The following ATRN variants were observed in gnomAD, a reference collection of about 807,000 sequenced individuals.
ATRN encodes attractin-2.
ATRN carries 54 observed loss-of-function variants against 178.7 expected under a neutral mutation model. The observed-to-expected ratio is 0.30, with a 90% CI of 0.24 to 0.38. ATRN has a LOEUF of 0.38. ATRN is among the 10% of genes least tolerant of loss of function. The pLI is 1.00. For synonymous variants in ATRN, 636 were observed against 663.0 expected (o/e 0.96, Z 0.63); for missense variants, 1,443 against 1,815.1 (o/e 0.79, Z 3.73).
At chr20:3,572,004 A>T (rs1398509942) in intron 11 of ATRN, among the ~76,000 whole-genome samples, 1 of 152,124 alleles carries the variant, frequency 6.6e-6, no homozygotes, top group Non-Finnish European at 1.5e-5. Context: ...AGAGAAATAG[A>T]TTCAATTTTA....
In ATRN at chr20:3,565,356, C is replaced by T. The variant is rs764529931; in HGVS notation, c.1795C>T (p.Arg599Cys). 2.1e-5 allele frequency: 34 copies of T among 1,613,446 alleles called. 1 individual carries two copies. The highest frequency in any genetic ancestry group is 5.0e-5 in the Admixed American group (3 of 59,986). The change falls in exon 11 of 29, where the codon CGC becomes TGC. Residue 599 changes from arginine (R) to cysteine (C), a missense_variant. This residue lies in a region of ATRN where 862 missense variants were observed against 972.1 expected (regional missense o/e 0.89). Transcript: ENST00000262919. ...DFMAYDIACD[R>C]WSVLPRPDLH... is the part of the protein sequence containing the mutation. ...ATTTTTCTTTCTCCTAGCCTGTGAC[C>T]GCTGGTCAGTGCTTCCCAGACCTGA...
At chr20:3,565,054 G>A (rs1660485426) in intron 10 of ATRN, among the ~76,000 whole-genome samples, 1 of 152,160 alleles carries the variant, frequency 6.6e-6, no homozygotes, top group African/African-American at 2.4e-5. Context: ...GACAGAGCGA[G>A]ACTCTGTCTC....
chr20:3,604,121 A>C lies in ATRN; in HGVS notation c.3660A>C (p.Gly1220=). Reference sequence around the variant, plus strand: ...TTTTAACAGCTGGAACCCAGGCTGGAGAAGAGATGCCTGTTGTTTCAAAAA... The same window carrying C: ...TTTTAACAGCTGGAACCCAGGCTGGCGAAGAGATGCCTGTTGTTTCAAAAA... The part of the protein sequence containing the change: ...AASFSAGTQA[G]EEMPVVSKTN... The change falls in exon 24 of 29, where the codon GGA becomes GGC. Residue 1220 remains glycine, a synonymous_variant. Transcript: ENST00000262919. The C allele has an allele frequency of 6.3e-7, 1 of 1,589,626 alleles. No individual in the cohort carries two copies. Among genetic ancestry groups the C allele is most frequent in the Non-Finnish European group, 8.5e-7 (1 of 1,172,894 alleles).
At position 3,625,031 on chromosome 20, in the gene ATRN, C is replaced by T. The variant is rs78113220; in HGVS notation, c.3863+459C>T. Among the ~76,000 whole-genome samples the T allele has an allele frequency of 1.6e-3, 239 of 152,000 alleles. 4 individuals carry two copies. The South Asian group carries it at 0.027, about 17-fold the overall frequency. Reference sequence around the variant, plus strand: ...TTTCTTTTATTTCCATAGTTTTTTTCGTAGTCTAATTTTATCTTTATGAAA... The same window carrying T: ...TTTCTTTTATTTCCATAGTTTTTTTTGTAGTCTAATTTTATCTTTATGAAA... On this transcript the variant is annotated intron_variant, in intron 25 of 28. Coordinates refer to ENST00000262919, the MANE Select transcript of ATRN (RefSeq NM_139321.3).
intron 18 of ATRN, among the ~76,000 whole-genome samples, chr20:3,590,431 C>G (rs183495048): frequency 1.3e-5 from 2 of 152,242 alleles, no homozygotes; most frequent in Admixed American, 6.5e-5. Context: ...CCATCCTATT[C>G]CCCCCTAGAG....
At chr20:3,521,005 A>G (rs1766227743) in intron 1 of ATRN, among the ~76,000 whole-genome samples, 1 of 152,210 alleles carries the variant, frequency 6.6e-6, no homozygotes, top group Admixed American at 6.5e-5. Context: ...ACAGGAACAG[A>G]AAATGAAACA....
At chr20:3,510,963 A>G (rs2085118663) in intron 1 of ATRN, among the ~76,000 whole-genome samples, 1 of 152,178 alleles carries the variant, frequency 6.6e-6, no homozygotes, top group Non-Finnish European at 1.5e-5. Flanking sequence ...CCTAATTGAC[A>G]TATACAGAAC....
At chr20:3,495,417 T>C (rs238717) in intron 1 of ATRN, among the ~76,000 whole-genome samples, 40,606 of 152,034 alleles carry the variant, frequency 0.27, 5,979 homozygotes, top group African/African-American at 0.33. Context: ...TTTTAAAGCT[T>C]TGTGGATATT....
chr20:3,494,671 G>T (rs1339164444), intron 1 of ATRN, among the ~76,000 whole-genome samples: 3 of 152,222 alleles, frequency 2.0e-5, no homozygotes, highest in Non-Finnish European at 4.4e-5. Flanking sequence ...AAGCATAAAA[G>T]AAGGGGATTT....
At chr20:3,529,450 T>C (rs2085420046) in intron 1 of ATRN, among the ~76,000 whole-genome samples, 1 of 152,240 alleles carries the variant, frequency 6.6e-6, no homozygotes, top group South Asian at 2.1e-4. Context: ...TGTCCACCAA[T>C]AAACAAGTTG....
At chr20:3,593,699 A>G (rs1450506509) in intron 19 of ATRN, among the ~76,000 whole-genome samples, 1 of 152,214 alleles carries the variant, frequency 6.6e-6, no homozygotes, top group Non-Finnish European at 1.5e-5. Flanking sequence ...TCTTTGGGTG[A>G]TTCCAAAGGA....
At chr20:3,505,537 C>A (rs1033642784) in intron 1 of ATRN, among the ~76,000 whole-genome samples, 1 of 152,138 alleles carries the variant, frequency 6.6e-6, no homozygotes, top group Non-Finnish European at 1.5e-5. Flanking sequence ...TTCTGGAGAA[C>A]CCTAATATAG....
intron 9 of ATRN, among the ~76,000 whole-genome samples, 196 bp downstream of exon 9, chr20:3,562,655 G>A (rs1047997900): frequency 3.9e-5 from 6 of 152,192 alleles, no homozygotes; most frequent in Admixed American, 2.0e-4. Context: ...CTGTAATTCT[G>A]TAGCAGGTTG....
chr20:3,498,542 A>T (rs1345683179), intron 1 of ATRN, among the ~76,000 whole-genome samples: 1 of 152,006 alleles, frequency 6.6e-6, no homozygotes, highest in Non-Finnish European at 1.5e-5. Flanking sequence ...GCAAATCAAT[A>T]AATGTAATCC....
chr20:3,486,995 C>T (rs916415531), intron 1 of ATRN, among the ~76,000 whole-genome samples: 3 of 152,068 alleles, frequency 2.0e-5, no homozygotes, highest in Admixed American at 6.5e-5. Context: ...TTCTACTTCT[C>T]ATAATTTTTA....
intron 1 of ATRN, chr20:3,491,146 G>T: frequency 1.9e-6 from 1 of 525,050 alleles, no homozygotes; most frequent in Non-Finnish European, 3.3e-6. Flanking sequence ...TAGCTCTCTG[G>T]GGGAAAAAAA....
chr20:3,504,430 CT>C (rs1372590139), intron 1 of ATRN, among the ~76,000 whole-genome samples: 1 of 150,664 alleles, frequency 6.6e-6, no homozygotes. Context: ...AATCCCAACA[CT>C]TTAGGAGGCC....
intron 3 of ATRN, among the ~76,000 whole-genome samples, chr20:3,540,603 C>G (rs190122066): frequency 1.3e-5 from 2 of 152,198 alleles, no homozygotes; most frequent in Non-Finnish European, 2.9e-5. Context: ...TTCACCTGCT[C>G]CTTGTGGTGG....
At chr20:3,518,405 G>A (rs965740783) in intron 1 of ATRN, among the ~76,000 whole-genome samples, 4 of 152,146 alleles carry the variant, frequency 2.6e-5, no homozygotes, top group Non-Finnish European at 5.9e-5. Context: ...AGCCAAACAC[G>A]AAAAGACACA....
Sources: allele counts gnomAD v4.1 joint callset (sites outside exome capture counted in the v4.1 genomes callset), GRCh38; gene constraint gnomAD v4.1.1; regional missense constraint gnomAD v4.1.1; transcripts MANE v1.5; gene names NCBI Gene and HGNC (gene_info 2026-07-23, HGNC 2026-07-21).